The following CACNA1E variants were observed in gnomAD, a reference collection of about 807,000 sequenced individuals.
CACNA1E encodes the protein calcium voltage-gated channel subunit alpha1 E.
Under a neutral mutation model 259.2 loss-of-function variants are expected in CACNA1E, and 40 were observed. The ratio of observed to expected loss-of-function variants is 0.15; its 90% CI spans 0.12 to 0.20. The LOEUF (loss-of-function observed/expected upper bound fraction) is 0.20, where lower values mean the gene tolerates loss of function less well. Ranked by LOEUF, CACNA1E falls within the 10% of genes least tolerant of loss-of-function variation. The pLI is 1.00. For missense variants in CACNA1E, 1,874 were observed against 3,040.1 expected, an observed-to-expected ratio of 0.62 and a Z score of 9.02; for synonymous variants, 1,104 against 1,138.5, an observed-to-expected ratio of 0.97 and a Z score of 0.61.
intron 6 of CACNA1E, among the ~76,000 whole-genome samples, chr1:181,626,643 T>A (rs1656229511): frequency 6.6e-6 from 1 of 152,200 alleles, no homozygotes; most frequent in African/African-American, 2.4e-5. Flanking sequence ...GAATTGTTAG[T>A]CATGTCAGCA....
In CACNA1E at chr1:181,798,594, C is replaced by T; in HGVS notation, c.6702C>T (p.Ala2234=). 1.9e-6 allele frequency: 3 copies of T among 1,613,466 alleles called. No individual in the cohort carries two copies. Among genetic ancestry groups the T allele is most frequent in the Non-Finnish European group, 2.5e-6 (3 of 1,179,872 alleles). ...GCTACATCTCCGAGCCCTACTTGGC[C>T]CTGCACGAAGACTCCCACGCCTCAG... The part of the protein sequence containing the change: ...PQRYISEPYL[A]LHEDSHASDC... The change falls in exon 48 of 48, where the codon GCC becomes GCT. Residue 2234 remains alanine, a synonymous_variant. Coordinates refer to ENST00000367573, the MANE Select transcript of CACNA1E (RefSeq NM_001205293.3). This position sits in a 1 kb window ranked among gnomAD's most constrained non-coding sequence, Gnocchi z 4.2.
chr1:181,415,175 G>A (rs1356285292), intron 2 of CACNA1E, among the ~76,000 whole-genome samples: 1 of 152,170 alleles, frequency 6.6e-6, no homozygotes, highest in African/African-American at 2.4e-5. Flanking sequence ...AGACTGTCAT[G>A]CACATTGTTC....
intron 25 of CACNA1E, among the ~76,000 whole-genome samples, chr1:181,745,029 G>A (rs1392804863): frequency 1.3e-5 from 2 of 152,140 alleles, no homozygotes; most frequent in African/African-American, 4.8e-5. Context: ...CACTAAGGAT[G>A]ATCAATGCCC....
At chr1:181,745,743 C>T (rs895929106) in intron 25 of CACNA1E, among the ~76,000 whole-genome samples, 1 of 151,996 alleles carries the variant, frequency 6.6e-6, no homozygotes, top group African/African-American at 2.4e-5. Flanking sequence ...TCCACCAGCT[C>T]CAAGGCCTTC....
chr1:181,494,397 A>G (rs966953597), intron 1 of CACNA1E, among the ~76,000 whole-genome samples: 2 of 147,722 alleles, frequency 1.4e-5, no homozygotes, highest in Non-Finnish European at 3.0e-5. Flanking sequence ...TTTTTTTTAT[A>G]TGAATTGATG....
chr1:181,747,791 GGTGAA>G (rs1657230168), intron 25 of CACNA1E, among the ~76,000 whole-genome samples: 1 of 152,178 alleles, frequency 6.6e-6, no homozygotes, highest in African/African-American at 2.4e-5. Context: ...CTTTTAGTTT[GGTGAA>G]ATGTCTTCCT....
At chr1:181,743,044 C>T (rs1656724475) in intron 25 of CACNA1E, among the ~76,000 whole-genome samples, 2 of 152,148 alleles carry the variant, frequency 1.3e-5, no homozygotes, top group African/African-American at 4.8e-5. Context: ...TTCACTTTTA[C>T]GTTATAAGGC....
intron 6 of CACNA1E, among the ~76,000 whole-genome samples, chr1:181,628,962 C>T (rs1035824796): frequency 6.6e-6 from 1 of 152,148 alleles, no homozygotes; most frequent in Non-Finnish European, 1.5e-5. Flanking sequence ...AATACTATGT[C>T]TCAGGCCCAG....
intron 2 of CACNA1E, chr1:181,413,631 C>G: frequency 6.6e-6 from 1 of 152,626 alleles, no homozygotes; most frequent in East Asian, 1.9e-4. Context: ...GGCCTGAGGT[C>G]GGGGTGGGTT....
intron 2 of CACNA1E, among the ~76,000 whole-genome samples, chr1:181,445,632 T>TGA (rs1356711482): frequency 6.6e-6 from 1 of 152,196 alleles, no homozygotes; most frequent in East Asian, 1.9e-4. Context: ...GTACAACAGG[T>TGA]GATGTAGCAC....
chr1:181,667,509 A>G (rs979533796), intron 7 of CACNA1E, among the ~76,000 whole-genome samples: 1 of 152,196 alleles, frequency 6.6e-6, no homozygotes, highest in Non-Finnish European at 1.5e-5. Context: ...AGATAGGATC[A>G]TCCAATATCT....
upstream of CACNA1E, among the ~76,000 whole-genome samples, chr1:181,482,826 G>GCTCGCACTCCCGCCCT (rs984693398): frequency 6.6e-6 from 1 of 151,514 alleles, no homozygotes; most frequent in Non-Finnish European, 1.5e-5. Context: ...CCGCCCGCCC[G>GCTCGCACTCCCGCCCT]CTCGCACTCC....
chr1:181,551,788 T>A (rs1379152471), intron 3 of CACNA1E, among the ~76,000 whole-genome samples: 1 of 152,144 alleles, frequency 6.6e-6, no homozygotes, highest in Non-Finnish European at 1.5e-5. Context: ...GGGAGCTCAC[T>A]ACCGGGCAAG....
At chr1:181,328,638 T>C (rs1176205898) in intron 1 of CACNA1E, among the ~76,000 whole-genome samples, 1 of 151,412 alleles carries the variant, frequency 6.6e-6, no homozygotes, top group Non-Finnish European at 1.5e-5. Context: ...TGGGGTGAAA[T>C]GTACATGGAT....
chr1:181,699,285 A>G lies in CACNA1E; in HGVS notation c.1056-11669A>G, dbSNP rs552707280. On this transcript the variant is annotated intron_variant, in intron 7 of 47. Transcript: ENST00000367573. ...GGCAGAAGAGATCCTTTTATTGTGTAGCTTATATTCTTGAGCAAAGACAAA... is the reference window on the plus strand; with the variant it reads ...GGCAGAAGAGATCCTTTTATTGTGTGGCTTATATTCTTGAGCAAAGACAAA... Among the ~76,000 whole-genome samples the G allele has an allele frequency of 1.2e-4, 18 of 152,328 alleles. No individual in the cohort carries two copies. The South Asian group carries it at 3.5e-3, about 30-fold the overall frequency.
chr1:181,686,153 G>A (rs900604435), intron 7 of CACNA1E, among the ~76,000 whole-genome samples: 1 of 151,844 alleles, frequency 6.6e-6, no homozygotes, highest in Non-Finnish European at 1.5e-5. Context: ...ATCCTTGTCC[G>A]GTGAACCTTT....
rs73045109 is a variant in CACNA1E at position 181,739,032 on chromosome 1, A to G, written c.3613-115A>G. 0.16 allele frequency: 120,919 copies of G among 755,268 alleles called. 10,947 individuals carry two copies. Among genetic ancestry groups the G allele is most frequent in the African/African-American group, 0.27 (15,523 of 57,424 alleles). The allele number at this position is 755,268 out of a possible 1,614,324, so 46.8% of individuals were successfully genotyped here. On this transcript the variant is annotated intron_variant, in intron 24 of 47. Coordinates refer to ENST00000367573, the MANE Select transcript of CACNA1E (RefSeq NM_001205293.3). Reference sequence around the variant, plus strand: ...AACCTCTCATTCTCCAGGTCCTAGCATAGGGTTGGTTGTGGAGACAGTGGC... The same window carrying G: ...AACCTCTCATTCTCCAGGTCCTAGCGTAGGGTTGGTTGTGGAGACAGTGGC...
intron 3 of CACNA1E, among the ~76,000 whole-genome samples, chr1:181,567,719 A>G (rs1479461142): frequency 6.6e-6 from 1 of 152,206 alleles, no homozygotes; most frequent in Non-Finnish European, 1.5e-5. Flanking sequence ...GATAACACCA[A>G]GAAGCTGCAT....
intron 7 of CACNA1E, among the ~76,000 whole-genome samples, chr1:181,672,723 T>C (rs1375975745): frequency 5.9e-5 from 9 of 152,228 alleles, no homozygotes; most frequent in African/African-American, 2.2e-4. Context: ...GCTGTGCTGG[T>C]CATGTTCACA....
Sources: gnomAD v4.1 joint callset for allele counts (sites outside exome capture counted in the v4.1 genomes callset) on GRCh38, gnomAD v4.1.1 for gene constraint, Gnocchi (gnomAD v3.1) non-coding constraint, MANE v1.5 for transcripts, NCBI Gene and HGNC (gene_info 2026-07-23, HGNC 2026-07-21) for gene names.